ACAT1: variants seen among roughly 807,000 people sequenced by gnomAD.
ACAT1 encodes the protein acetyl-CoA acetyltransferase 1, also known as acetyl-CoA acetyltransferase, mitochondrial.
ACAT1 carries 28 observed loss-of-function variants against 47.3 expected under a neutral mutation model. The observed-to-expected ratio is 0.59, with a 90% CI of 0.44 to 0.81. The LOEUF is 0.81. Among genes scored for constraint, ACAT1 ranks in the 30% least tolerant of loss-of-function variants. The pLI, the probability that ACAT1 is intolerant of heterozygous loss-of-function variation, is 0.00. For missense variants in ACAT1, 469 were observed against 524.3 expected (o/e 0.89, Z 1.03); for synonymous variants, 181 against 173.6 (o/e 1.04, Z -0.34).
chr11:108,134,472 G>A (rs919238881), intron 4 of ACAT1, 156 bp downstream of exon 4: 3 of 542,902 alleles, frequency 5.5e-6, no homozygotes, highest in African/African-American at 2.0e-5. Flanking sequence ...GTGAAACCCC[G>A]TCTCTACTAA....
At chr11:108,132,037 C>T (rs2077370657) in intron 2 of ACAT1, 83 bp downstream of exon 2, 1 of 859,250 alleles carries the variant, frequency 1.2e-6, no homozygotes, top group Admixed American at 1.9e-5. Context: ...GATTTGGATA[C>T]ATGTGAAAGT....
intron 1 of ACAT1, among the ~76,000 whole-genome samples, chr11:108,123,232 C>T (rs1030667272): frequency 2.6e-5 from 4 of 151,330 alleles, no homozygotes; most frequent in African/African-American, 4.9e-5. Context: ...AGTGAGACTC[C>T]GTCTTAAAAA....
upstream of ACAT1, among the ~76,000 whole-genome samples, chr11:108,120,742 G>A (rs1448633976): frequency 6.6e-6 from 1 of 152,072 alleles, no homozygotes; most frequent in Middle Eastern, 3.2e-3. Context: ...TATCTGGACT[G>A]AGCCTGGAAT....
chr11:108,129,445 T>C (rs1445637713), intron 1 of ACAT1, among the ~76,000 whole-genome samples: 1 of 152,154 alleles, frequency 6.6e-6, no homozygotes, highest in Non-Finnish European at 1.5e-5. Flanking sequence ...CTCGGCTCAC[T>C]GCAACTTCTG....
chr11:108,142,640 C>T, intron 9 of ACAT1, 90 bp downstream of exon 9: 1 of 1,005,710 alleles, frequency 9.9e-7, no homozygotes, highest in South Asian at 1.3e-5. Context: ...AGTTCGAAAT[C>T]AGCCTGGGCA....
rs568766238 is a variant in ACAT1, at chr11:108,127,068, G to A, written c.73-4839G>A. Among the ~76,000 whole-genome samples the A allele has an allele frequency of 5.9e-5, 9 of 151,520 alleles. No individual in the cohort carries two copies. The East Asian group carries it at 1.8e-3, about 29-fold the overall frequency. ...CCTGACCTCGTGATCCGCCCCCCTC[G>A]GCCTCCCAAACTGCTGGGATTACAG... On this transcript the variant is annotated intron_variant, in intron 1 of 11. Coordinates refer to ENST00000265838, the MANE Select transcript of ACAT1 (RefSeq NM_000019.4).
Position 108,138,894 on chromosome 11 carries a change from G to C in ACAT1, c.436-4G>C, listed in dbSNP as rs3741050. The stretch of plus-strand genomic sequence containing the variant: ...CATTGGGTTTTTCTGGTGTTTCTGC[G>C]CAGGATGTGATGGTGGCAGGTGGGA... On this transcript the variant is annotated splice_polypyrimidine_tract_variant and splice_region_variant and intron_variant, in intron 5 of 11. Coordinates refer to ENST00000265838, the MANE Select transcript of ACAT1 (RefSeq NM_000019.4). 742 of 1,614,116 alleles carry C rather than the reference G, an allele frequency of 4.6e-4. No homozygotes were observed. The highest frequency in any genetic ancestry group is 5.4e-4 in the Non-Finnish European group (632 of 1,180,022).
At chr11:108,122,845 T>C (rs2077176902) in intron 1 of ACAT1, among the ~76,000 whole-genome samples, 1 of 152,190 alleles carries the variant, frequency 6.6e-6, no homozygotes, top group South Asian at 2.1e-4. Context: ...TCAGTCAGTA[T>C]TGACTAGGTG....
At chr11:108,146,743 T>C (rs1043202079) in intron 11 of ACAT1, among the ~76,000 whole-genome samples, 17 of 152,136 alleles carry the variant, frequency 1.1e-4, no homozygotes, top group African/African-American at 4.1e-4. Flanking sequence ...CCTCTTCCAT[T>C]ATACTCTACT....
At chr11:108,144,342 G>A (rs920888181) in intron 10 of ACAT1, 11 of 392,888 alleles carry the variant, frequency 2.8e-5, no homozygotes, top group South Asian at 1.2e-4. Context: ...ACCACAAAGC[G>A]GAGGGAATGC....
upstream of ACAT1, among the ~76,000 whole-genome samples, chr11:108,119,035 A>C (rs1303286117): frequency 6.6e-6 from 1 of 152,228 alleles, no homozygotes; most frequent in Admixed American, 6.5e-5. Flanking sequence ...CCTAGATTCC[A>C]ATTGCAACTG....
chr11:108,140,069 G>T lies in ACAT1; in HGVS notation c.584G>T (p.Ser195Ile), dbSNP rs1352107264. ...TDVYNKIHMG[S>I]CAENTAKKLN... ...AATATTTCAACTTTTTATCAGGGCA[G>T]CTGTGCTGAGAATACAGCAAAGAAG... Residue 195 changes from serine (S) to isoleucine (I), a missense_variant, in exon 7 of 12, where the codon AGC becomes ATC. Coordinates refer to ENST00000265838, the MANE Select transcript of ACAT1 (RefSeq NM_000019.4). 6.2e-7 allele frequency: 1 copy of T among 1,613,752 alleles called. No individual in the cohort carries two copies. Among genetic ancestry groups the T allele is most frequent in the Non-Finnish European group, 8.5e-7 (1 of 1,179,804 alleles).
upstream of ACAT1, among the ~76,000 whole-genome samples, chr11:108,118,106 A>G (rs1283630464): frequency 6.6e-6 from 1 of 152,194 alleles, no homozygotes; most frequent in Admixed American, 6.5e-5. Context: ...AAATTCAGAT[A>G]TGCAAAAAAT....
chr11:108,131,096 G>C (rs1324947048), intron 1 of ACAT1, among the ~76,000 whole-genome samples: 1 of 152,150 alleles, frequency 6.6e-6, no homozygotes, highest in Non-Finnish European at 1.5e-5. Flanking sequence ...GAACTGAGAA[G>C]TAGTAGGGGC....
chr11:108,141,647 G>C lies in ACAT1; in HGVS notation c.773G>C (p.Arg258Pro). ...VVVKEDEEYK[R>P]VDFSKVPKLK... is the part of the protein sequence containing the mutation. ...GTGAAAGAAGATGAAGAATATAAAC[G>C]TGTTGATTTTAGCAAAGTTCCAAAG... The change falls in exon 8 of 12, where the codon CGT (arginine) becomes CCT (proline). Residue 258 changes from arginine (R) to proline (P), a missense_variant. By Grantham distance (103) the Arg-to-Pro change is moderately radical. Coordinates refer to ENST00000265838, the MANE Select transcript of ACAT1 (RefSeq NM_000019.4). 6.2e-7 allele frequency: 1 copy of C among 1,613,422 alleles called. No homozygotes were observed. Among genetic ancestry groups the C allele is most frequent in the East Asian group, 2.2e-5 (1 of 44,806 alleles).
chr11:108,143,960 C>G (rs757763812), intron 9 of ACAT1, 23 bp from the exon 10 acceptor site: 3 of 916,698 alleles, frequency 3.3e-6, no homozygotes, highest in East Asian at 4.2e-5. Context: ...TTTAACAACC[C>G]CCCCCCCCCT....
At chr11:108,142,393 A>T in intron 8 of ACAT1, 44 bp from the exon 9 acceptor site, 1 of 1,428,880 alleles carries the variant, frequency 7.0e-7, no homozygotes, top group Non-Finnish European at 9.8e-7. Flanking sequence ...AAATACATTT[A>T]TTGTGAAGGA....
chr11:108,128,759 A>G (rs1297354684), intron 1 of ACAT1: 1 of 152,250 alleles, frequency 6.6e-6, no homozygotes, highest in East Asian at 1.9e-4. Context: ...GCAACTGGAA[A>G]TGGGATCCAG....
At chr11:108,141,984 TTATA>T (rs2077597653) in intron 8 of ACAT1, among the ~76,000 whole-genome samples, 1 of 152,206 alleles carries the variant, frequency 6.6e-6, no homozygotes, top group African/African-American at 2.4e-5. Flanking sequence ...TTGATATAAT[TTATA>T]TACCATAATA....
Sources: gnomAD v4.1 joint callset for allele counts (sites outside exome capture counted in the v4.1 genomes callset) on GRCh38, gnomAD v4.1.1 for gene constraint, MANE v1.5 for transcripts, NCBI Gene and HGNC (gene_info 2026-07-23, HGNC 2026-07-21) for gene names.